CBLL1: variants seen among roughly 807,000 people sequenced by gnomAD.
The protein encoded by CBLL1 is Cbl proto-oncogene like 1, also known as E3 ubiquitin-protein ligase Hakai.
A neutral mutation model predicts 44.9 loss-of-function variants in CBLL1; 4 were observed. The ratio of observed to expected loss-of-function variants is 0.09; its 90% CI spans 0.04 to 0.20. CBLL1 has a LOEUF of 0.20. Among genes scored for constraint, CBLL1 ranks in the 10% least tolerant of loss-of-function variants. The probability of loss-of-function intolerance (pLI) is 1.00; values close to 1 mark genes in which losing one functional copy is unlikely to be tolerated. For missense variants in CBLL1, 569 were observed against 636.7 expected (o/e 0.89, Z 1.14); for synonymous variants, 235 against 202.2 (o/e 1.16, Z -1.38).
chr7:107,744,576 G>A, intron 1 of CBLL1: 1 of 225,018 alleles, frequency 4.4e-6, no homozygotes, highest in Non-Finnish European at 8.7e-6. Flanking sequence ...GTGGACGGGC[G>A]AGAATGGGTT....
At position 107,759,983 on chromosome 7, in the gene CBLL1, A is replaced by G. The variant is rs1471736673; in HGVS notation, c.*805A>G. On this transcript the variant is annotated 3_prime_UTR_variant, in exon 6 of 6. Coordinates refer to ENST00000440859, the MANE Select transcript of CBLL1 (RefSeq NM_024814.4). ...TGCTGTTACTCATTAATGCTTTTTT[A>G]CTGAATGGTCGGAATCACATATGCA... 6.6e-6 allele frequency: 1 copy of G among 152,392 alleles called. No individual in the cohort carries two copies. Among genetic ancestry groups the G allele is most frequent in the East Asian group, 1.9e-4 (1 of 5,330 alleles). The allele number at this position is 152,392 out of a possible 1,614,324, so 9.4% of individuals were successfully genotyped here. A position where few individuals can be genotyped will look rare whatever the true frequency, so the allele number is the denominator to read the frequency against.
chr7:107,756,492 A>T (rs1426315642), intron 5 of CBLL1, among the ~76,000 whole-genome samples: 1 of 152,164 alleles, frequency 6.6e-6, no homozygotes, highest in Non-Finnish European at 1.5e-5. Context: ...AATTCAGAAG[A>T]ATTAAGACAT....
At position 107,748,860 on chromosome 7, in the gene CBLL1, A is replaced by G. The variant is rs139105015; in HGVS notation, c.14-20A>G. 2.4e-4 allele frequency: 369 copies of G among 1,550,912 alleles called. No homozygotes were observed. Among genetic ancestry groups the G allele is most frequent in the Non-Finnish European group, 3.2e-4 (364 of 1,152,532 alleles). ...AAAAGAAAAACTAAAAGAAATTACA[A>G]CTTTTTTTTCCTAACACAGACAATG... On this transcript the variant is annotated intron_variant, in intron 1 of 5. Transcript: ENST00000440859.
intron 5 of CBLL1, among the ~76,000 whole-genome samples, chr7:107,757,802 G>C (rs1793596432): frequency 6.6e-6 from 1 of 152,096 alleles, no homozygotes; most frequent in African/African-American, 2.4e-5. Flanking sequence ...TCTACCCGTT[G>C]GTTTTTTTCT....
rs1024153628 is a variant in CBLL1, at chr7:107,761,319, T to G, written c.*2141T>G. On this transcript the variant is annotated 3_prime_UTR_variant, in exon 6 of 6. Transcript: ENST00000440859. ...AAATTTTGAATTAAGAGAACCCTTG[T>G]AGAGTTTTTAAAAAATGATTTATTT... The G allele has an allele frequency of 6.6e-6, 1 of 152,192 alleles. No homozygotes were observed. Among genetic ancestry groups the G allele is most frequent in the African/African-American group, 2.4e-5 (1 of 41,452 alleles). The allele number at this position is 152,192 out of a possible 1,614,324, so 9.4% of individuals were successfully genotyped here.
intron 2 of CBLL1, among the ~76,000 whole-genome samples, chr7:107,750,557 G>GCCT (rs1250773005): frequency 6.6e-6 from 1 of 152,100 alleles, no homozygotes; most frequent in Non-Finnish European, 1.5e-5. Flanking sequence ...GCCCGCATCG[G>GCCT]CCTCCCAAAG....
At chr7:107,755,389 G>GT (rs1793484899) in intron 4 of CBLL1, 29 bp from the exon 5 acceptor site, 1 of 1,343,584 alleles carries the variant, frequency 7.4e-7, no homozygotes, top group Non-Finnish European at 1.0e-6. Flanking sequence ...GTTCTAATAT[G>GT]CTTAACTGTA....
At position 107,744,151 on chromosome 7, in the gene CBLL1, T is replaced by C. The variant is rs1432712898; in HGVS notation, c.-13T>C. ...GTTGACTTCCGCTCCCACTGTGCTCTGCGAGCCGAATCATGGATCACACTG... is the reference window on the plus strand; with the variant it reads ...GTTGACTTCCGCTCCCACTGTGCTCCGCGAGCCGAATCATGGATCACACTG... On this transcript the variant is annotated 5_prime_UTR_variant, in exon 1 of 6. Transcript: ENST00000440859. The C allele has an allele frequency of 8.4e-6, 13 of 1,552,506 alleles. No individual in the cohort carries two copies. The highest frequency in any genetic ancestry group is 3.5e-4 in the Middle Eastern group (2 of 5,670).
chr7:107,757,184 C>T (rs1036600503), intron 5 of CBLL1, among the ~76,000 whole-genome samples: 9 of 152,158 alleles, frequency 5.9e-5, no homozygotes, highest in Non-Finnish European at 1.3e-4. Context: ...TATGTACACA[C>T]ACATATATTT....
At chr7:107,748,813 A>T in intron 1 of CBLL1, 67 bp from the exon 2 acceptor site, 1 of 1,383,714 alleles carries the variant, frequency 7.2e-7, no homozygotes, top group East Asian at 2.3e-5. Flanking sequence ...GTGTTTTAAT[A>T]CCTGTGGCAG....
In CBLL1 at chr7:107,758,470, A is replaced by G. The variant is rs1427083200; in HGVS notation, c.768A>G (p.Pro256=). The G allele has an allele frequency of 6.2e-7, 1 of 1,614,176 alleles. No individual in the cohort carries two copies. The highest frequency in any genetic ancestry group is 1.1e-5 in the South Asian group (1 of 91,072). Residue 256 remains proline (P), a synonymous_variant, in exon 6 of 6, where the codon CCA becomes CCG. Transcript: ENST00000440859. This position sits in a 1 kb window ranked among gnomAD's most constrained non-coding sequence, Gnocchi z 4.2. Reference sequence around the variant, plus strand: ...TGCCACATGAGCACTATAATCAGCCACATGAGGATATTCGTGCTCCTCCAG... The same window carrying G: ...TGCCACATGAGCACTATAATCAGCCGCATGAGGATATTCGTGCTCCTCCAG... ...QHVPHEHYNQ[P]HEDIRAPPAE... is the part of the protein sequence containing the mutation.
At chr7:107,745,561 T>C (rs1444056998) in intron 1 of CBLL1, among the ~76,000 whole-genome samples, 2 of 152,192 alleles carry the variant, frequency 1.3e-5, no homozygotes, top group Non-Finnish European at 1.5e-5. Context: ...TGAACAGAAG[T>C]GGAGGAGGAA....
At position 107,759,008 on chromosome 7, in the gene CBLL1, C is replaced by G. The variant is rs780040313; in HGVS notation, c.1306C>G (p.Gln436Glu). ...CTCATTACCCCAGTTCACTGAAGAT[C>G]AAGGAACTCTGAGCCCTCCATTTAC... ...PNSLPQFTED[Q>E]GTLSPPFTQP... The change falls in exon 6 of 6, where the codon CAA (glutamine) becomes GAA (glutamate). Residue 436 changes from glutamine (Q) to glutamate (E), a missense_variant. Physicochemically the swap from Gln to Glu is conservative, Grantham distance 29 (BLOSUM62 2). Coordinates refer to ENST00000440859, the MANE Select transcript of CBLL1 (RefSeq NM_024814.4). The G allele has an allele frequency of 6.2e-7, 1 of 1,614,026 alleles. No individual in the cohort carries two copies. The highest frequency in any genetic ancestry group is 8.5e-7 in the Non-Finnish European group (1 of 1,179,992).
chr7:107,748,496 G>T (rs993221510), intron 1 of CBLL1, among the ~76,000 whole-genome samples: 2 of 142,410 alleles, frequency 1.4e-5, no homozygotes, highest in Admixed American at 1.5e-4. Flanking sequence ...GATGGTTTTC[G>T]TTCTTTTTCT....
chr7:107,754,237 G>T, intron 4 of CBLL1: 1 of 210,086 alleles, frequency 4.8e-6, no homozygotes, highest in Non-Finnish European at 9.4e-6. Flanking sequence ...TTTGATACCA[G>T]TGAATTTACA....
intron 1 of CBLL1, among the ~76,000 whole-genome samples, chr7:107,745,829 A>G (rs1792986823): frequency 6.6e-6 from 1 of 152,194 alleles, no homozygotes; most frequent in Non-Finnish European, 1.5e-5. Flanking sequence ...GGGGCAGAAA[A>G]CAATCTTTTT....
At chr7:107,747,241 C>T (rs1455902449) in intron 1 of CBLL1, among the ~76,000 whole-genome samples, 1 of 152,160 alleles carries the variant, frequency 6.6e-6, no homozygotes, top group Non-Finnish European at 1.5e-5. Flanking sequence ...AAGTGGTAGA[C>T]TATGCAAGCA....
intron 1 of CBLL1, chr7:107,744,500 C>A (rs751725189): frequency 2.7e-6 from 1 of 367,304 alleles, no homozygotes; most frequent in African/African-American, 2.1e-5. Flanking sequence ...GCTGCTCTGG[C>A]CTACGTTATG....
intron 4 of CBLL1, 83 bp from the exon 5 acceptor site, chr7:107,755,335 T>C: frequency 1.8e-6 from 1 of 549,006 alleles, no homozygotes; most frequent in Non-Finnish European, 2.8e-6. Flanking sequence ...CTTCTAAGCC[T>C]TATGTATAGG....
Sources: allele counts gnomAD v4.1 joint callset (sites outside exome capture counted in the v4.1 genomes callset), GRCh38; gene constraint gnomAD v4.1.1; non-coding constraint Gnocchi (gnomAD v3.1); transcripts MANE v1.5; gene names NCBI Gene and HGNC (gene_info 2026-07-23, HGNC 2026-07-21).